TMEM117: variants seen among roughly 807,000 people sequenced by gnomAD.
TMEM117 encodes transmembrane protein 117.
A neutral mutation model predicts 52.4 loss-of-function variants in TMEM117; 27 were observed. The observed-to-expected ratio is 0.51, with a 90% CI of 0.38 to 0.71. The LOEUF (loss-of-function observed/expected upper bound fraction) is 0.71. Ranked by LOEUF, TMEM117 falls within the 30% of genes least tolerant of loss-of-function variation. The probability of loss-of-function intolerance (pLI) is 0.00; values close to 1 mark genes in which losing one functional copy is unlikely to be tolerated. For missense variants in TMEM117, 556 were observed against 630.5 expected, an observed-to-expected ratio of 0.88 and a Z score of 1.26; for synonymous variants, 215 against 206.3, an observed-to-expected ratio of 1.04 and a Z score of -0.36.
intron 1 of TMEM117, among the ~76,000 whole-genome samples, chr12:43,838,668 T>C (rs2137340268): frequency 6.7e-6 from 1 of 149,802 alleles, no homozygotes; most frequent in East Asian, 1.9e-4. Context: ...CACTTAGTAC[T>C]TACTCTTACT....
chr12:44,249,252 T>C (rs2138506340), intron 5 of TMEM117, among the ~76,000 whole-genome samples: 1 of 152,216 alleles, frequency 6.6e-6, no homozygotes, highest in East Asian at 1.9e-4. Flanking sequence ...ACTACTAATA[T>C]CTTGTCGAAG....
Position 44,248,139 on chromosome 12 carries a change from G to C in TMEM117, c.608+36752G>C, listed in dbSNP as rs143928349. Among the ~76,000 whole-genome samples, 122 of 152,204 alleles carry C rather than the reference G, an allele frequency of 8.0e-4. 1 individual carries two copies. Among genetic ancestry groups the C allele is most frequent in the African/African-American group, 2.7e-3 (113 of 41,538 alleles). ...TGGGATGGGTGGACTCCTCTCAATC[G>C]TGTGGTTCAGGGAACAAACCCTGAG... On this transcript the variant is annotated intron_variant, in intron 5 of 7. Coordinates refer to ENST00000266534, the MANE Select transcript of TMEM117 (RefSeq NM_032256.3).
intron 3 of TMEM117, among the ~76,000 whole-genome samples, chr12:44,108,400 C>T (rs1379589827): frequency 1.3e-4 from 14 of 104,584 alleles, no homozygotes; most frequent in South Asian, 1.2e-3. Context: ...ATTCCCCTTC[C>T]TGTGTCCATG....
In TMEM117 at chr12:44,388,139, C is replaced by A. The variant is rs201696493; in HGVS notation, c.1012C>A (p.Gln338Lys). ...ATATGGGCAATATATCGGCCCGGGG[C>A]AGAAGATATATACAGTGAAAGACTC... ...HEYGQYIGPG[Q>K]KIYTVKDSES... is the part of the protein sequence containing the mutation. Residue 338 changes from glutamine to lysine, a missense_variant, in exon 8 of 8, where the codon CAG becomes AAG. By Grantham distance (53) the Gln-to-Lys change is moderately conservative (BLOSUM62 1). Around this residue, in one of 3 missense-constraint regions of TMEM117, gnomAD observed 22 missense variants for 48.1 expected, o/e 0.46. Coordinates refer to ENST00000266534, the MANE Select transcript of TMEM117 (RefSeq NM_032256.3). 7.3e-5 allele frequency: 118 copies of A among 1,612,928 alleles called. No individual in the cohort carries two copies. Among genetic ancestry groups the A allele is most frequent in the Middle Eastern group, 3.3e-4 (2 of 6,080 alleles).
At chr12:44,008,931 G>C in intron 3 of TMEM117, 1 of 390,326 alleles carries the variant, frequency 2.6e-6, no homozygotes, top group Admixed American at 3.3e-5. Context: ...TGCGTATTAA[G>C]ATCTGAACTC....
At chr12:44,147,501 T>C (rs1948660045) in intron 4 of TMEM117, among the ~76,000 whole-genome samples, 1 of 152,168 alleles carries the variant, frequency 6.6e-6, no homozygotes, top group Admixed American at 6.5e-5. Context: ...TTCTAGCCCC[T>C]GGTACATCCT....
At chr12:43,893,289 A>G (rs949715195) in intron 2 of TMEM117, among the ~76,000 whole-genome samples, 1 of 152,216 alleles carries the variant, frequency 6.6e-6, no homozygotes, top group Non-Finnish European at 1.5e-5. Flanking sequence ...GCACAGAGAC[A>G]AATCAAATGC....
At chr12:43,923,927 TTATAC>T (rs1944735832) in intron 2 of TMEM117, among the ~76,000 whole-genome samples, 1 of 152,164 alleles carries the variant, frequency 6.6e-6, no homozygotes, top group Non-Finnish European at 1.5e-5. Context: ...GAAACACAAT[TTATAC>T]TATATAGATA....
chr12:43,808,723 T>C, the TMEM117 span, among the ~76,000 whole-genome samples: 10 of 146,446 alleles, frequency 6.8e-5, no homozygotes, highest in African/African-American at 2.5e-4. Flanking sequence ...TGTGGGAGGA[T>C]CACTTGAGTC....
chr12:44,205,902 A>G (rs1949558931), intron 4 of TMEM117, among the ~76,000 whole-genome samples: 1 of 152,184 alleles, frequency 6.6e-6, no homozygotes, highest in Non-Finnish European at 1.5e-5. Context: ...TTCCAATCCC[A>G]TTACTGGGCA....
chr12:43,921,845 T>G (rs1172914333), intron 2 of TMEM117, among the ~76,000 whole-genome samples: 5 of 152,136 alleles, frequency 3.3e-5, no homozygotes, highest in Non-Finnish European at 5.9e-5. Context: ...TTCCCCCATT[T>G]GCTCAGCTGA....
At chr12:44,226,036 G>A (rs369350063) in intron 5 of TMEM117, among the ~76,000 whole-genome samples, 82 of 152,178 alleles carry the variant, frequency 5.4e-4, no homozygotes, top group South Asian at 1.4e-3. Context: ...TGTTCATTTC[G>A]CCCCATCATG....
intron 6 of TMEM117, among the ~76,000 whole-genome samples, chr12:44,372,411 C>T (rs1295493429): frequency 6.6e-6 from 1 of 152,028 alleles, no homozygotes; most frequent in Non-Finnish European, 1.5e-5. Context: ...GGCTATACAT[C>T]CATAGTTATG....
At chr12:43,933,708 G>A (rs978131258) in intron 2 of TMEM117, among the ~76,000 whole-genome samples, 17 of 151,738 alleles carry the variant, frequency 1.1e-4, no homozygotes, top group Admixed American at 1.3e-4. Flanking sequence ...GAGTACAGGC[G>A]CGTGCCACCA....
chr12:44,240,517 C>T (rs1006258446), intron 5 of TMEM117, among the ~76,000 whole-genome samples: 94 of 152,236 alleles, frequency 6.2e-4, no homozygotes, highest in African/African-American at 2.2e-3. Flanking sequence ...CTCTCCTTAT[C>T]TCCCAGTTAC....
Position 44,170,700 on chromosome 12 carries a change from T to C in TMEM117, c.510+27076T>C, listed in dbSNP as rs960474447. Among the ~76,000 whole-genome samples, 6 of 152,322 alleles carry C rather than the reference T, an allele frequency of 3.9e-5. No homozygotes were observed. The South Asian group carries it at 1.2e-3, about 32-fold the overall frequency. ...AGAACCAGTGAATTTTACATCTTGATAGATCAATGTTCTCTTTTCCCTGTG... is the reference window on the plus strand; with the variant it reads ...AGAACCAGTGAATTTTACATCTTGACAGATCAATGTTCTCTTTTCCCTGTG... On this transcript the variant is annotated intron_variant, in intron 4 of 7. Transcript: ENST00000266534.
chr12:44,096,700 T>C (rs1316636975), intron 3 of TMEM117, among the ~76,000 whole-genome samples: 2 of 152,168 alleles, frequency 1.3e-5, no homozygotes, highest in East Asian at 3.9e-4. Flanking sequence ...TTACACCTTA[T>C]ACAAAAATTA....
chr12:44,153,702 T>G (rs2138234211), intron 4 of TMEM117, among the ~76,000 whole-genome samples: 1 of 152,200 alleles, frequency 6.6e-6, no homozygotes, highest in Non-Finnish European at 1.5e-5. Flanking sequence ...TTTATGAAAT[T>G]GCTATTCTTT....
intron 2 of TMEM117, among the ~76,000 whole-genome samples, chr12:43,856,344 T>A (rs1409119511): frequency 6.6e-6 from 1 of 152,234 alleles, no homozygotes; most frequent in Non-Finnish European, 1.5e-5. Flanking sequence ...TTCTAGGTGC[T>A]TGAATTGTCA....
Sources: gnomAD v4.1 joint callset for allele counts (sites outside exome capture counted in the v4.1 genomes callset) on GRCh38, gnomAD v4.1.1 for gene constraint, gnomAD v4.1.1 regional missense constraint, MANE v1.5 for transcripts, NCBI Gene and HGNC (gene_info 2026-07-23, HGNC 2026-07-21) for gene names.